STX8: variants seen among roughly 807,000 people sequenced by gnomAD.
The protein encoded by STX8 is syntaxin 8, also known as syntaxin-8.
Under a neutral mutation model 37.5 loss-of-function variants are expected in STX8, and 23 were observed. The ratio of observed to expected loss-of-function variants is 0.61; its 90% confidence interval spans 0.44 to 0.87. The LOEUF (loss-of-function observed/expected upper bound fraction) is 0.87, where lower values mean the gene tolerates loss of function less well. Among genes scored for constraint, STX8 ranks in the 40% least tolerant of loss-of-function variants. STX8 has a pLI of 0.00. For synonymous variants in STX8, 115 were observed against 99.1 expected, an observed-to-expected ratio of 1.16 and a Z score of -0.95; for missense variants, 313 against 284.7, an observed-to-expected ratio of 1.10 and a Z score of -0.71.
At position 9,538,182 on chromosome 17, in the gene STX8, C is replaced by T. The variant is rs891566527; in HGVS notation, c.323+6990G>A. On this transcript the variant is annotated intron_variant, in intron 4 of 7. Transcript: ENST00000306357. ...CACTCACGTAGAGGACAAAGCAAAT[C>T]TGTACTGATTTCAGCACACCCTTGC... 2.8e-4 allele frequency among the ~76,000 whole-genome samples: 43 copies of T among 152,316 alleles called. 1 individual carries two copies. The highest frequency in any genetic ancestry group is 1.0e-3 in the African/African-American group (43 of 41,564).
chr17:9,286,100 G>A (rs1298589084), intron 7 of STX8, among the ~76,000 whole-genome samples: 2 of 151,852 alleles, frequency 1.3e-5, no homozygotes, highest in South Asian at 2.1e-4. Flanking sequence ...ATGCTTCCCC[G>A]TGAAGTCAGT....
intron 6 of STX8, among the ~76,000 whole-genome samples, chr17:9,473,035 G>A (rs547233501): frequency 4.4e-5 from 6 of 136,070 alleles, no homozygotes; most frequent in African/African-American, 1.2e-4. Flanking sequence ...TGTGTCTCAG[G>A]ATCTTTTTTT....
At chr17:9,574,135 G>T (rs1418152979) in intron 1 of STX8, among the ~76,000 whole-genome samples, 1 of 151,840 alleles carries the variant, frequency 6.6e-6, no homozygotes, top group Admixed American at 6.6e-5. Flanking sequence ...GCTGGGCGTG[G>T]CTGCGTGCGC....
At chr17:9,267,930 G>A (rs2142135076) in intron 7 of STX8, among the ~76,000 whole-genome samples, 1 of 150,878 alleles carries the variant, frequency 6.6e-6, no homozygotes, top group Middle Eastern at 3.4e-3. Flanking sequence ...GGCGGAGGTT[G>A]CAGTGAGCTG....
intron 6 of STX8, among the ~76,000 whole-genome samples, chr17:9,430,795 G>A (rs993906009): frequency 2.0e-5 from 3 of 151,910 alleles, no homozygotes; most frequent in Non-Finnish European, 4.4e-5. Context: ...GACTACAGGC[G>A]ACCGCCACCA....
chr17:9,508,217 T>C (rs1321039783), intron 4 of STX8, among the ~76,000 whole-genome samples: 2 of 152,142 alleles, frequency 1.3e-5, no homozygotes, highest in African/African-American at 4.8e-5. Context: ...AACAAGAAGA[T>C]AAATACCATA....
intron 7 of STX8, among the ~76,000 whole-genome samples, chr17:9,258,172 A>G (rs1906873986): frequency 6.6e-6 from 1 of 152,188 alleles, no homozygotes; most frequent in South Asian, 2.1e-4. Flanking sequence ...TCAATAGGTG[A>G]CATTTGCTTA....
At chr17:9,345,938 G>A (rs988526730) in intron 7 of STX8, among the ~76,000 whole-genome samples, 3 of 129,016 alleles carry the variant, frequency 2.3e-5, no homozygotes, top group Non-Finnish European at 3.1e-5. Context: ...TGCTACCTCC[G>A]CGTCCTGGGT....
At position 9,436,222 on chromosome 17, in the gene STX8, G is replaced by A. The variant is rs1310007419; in HGVS notation, c.541+55607C>T. 2.0e-5 allele frequency among the ~76,000 whole-genome samples: 3 copies of A among 151,838 alleles called. No individual in the cohort carries two copies. In the South Asian group the frequency reaches 6.3e-4, roughly 32 times the overall value. On this transcript the variant is annotated intron_variant, in intron 6 of 7. Transcript: ENST00000306357. ...TAGCTGGGAGTGGTGACGGGCGCCT[G>A]TAGTCCCAGCTACTTGGGGGGCTGA...
intron 6 of STX8, among the ~76,000 whole-genome samples, chr17:9,477,106 C>T (rs922089137): frequency 2.0e-5 from 3 of 152,132 alleles, no homozygotes; most frequent in Non-Finnish European, 4.4e-5. Context: ...AATCCACCTA[C>T]CTCGACTTCT....
chr17:9,361,053 C>A (rs1438215280), intron 7 of STX8, among the ~76,000 whole-genome samples: 1 of 152,118 alleles, frequency 6.6e-6, no homozygotes, highest in African/African-American at 2.4e-5. Flanking sequence ...AACCCCAAAT[C>A]AATTATTCTA....
chr17:9,371,385 T>C (rs780072315), intron 7 of STX8, among the ~76,000 whole-genome samples: 1 of 152,218 alleles, frequency 6.6e-6, no homozygotes, highest in Non-Finnish European at 1.5e-5. Context: ...ACTGGGCTGC[T>C]TAATTCCCAC....
At chr17:9,475,743 T>A (rs954686975) in intron 6 of STX8, among the ~76,000 whole-genome samples, 1 of 152,238 alleles carries the variant, frequency 6.6e-6, no homozygotes, top group South Asian at 2.1e-4. Context: ...TTATAGCAAA[T>A]GGTCCTGAAT....
intron 6 of STX8, among the ~76,000 whole-genome samples, chr17:9,402,869 C>G (rs8068911): frequency 0.58 from 88,716 of 152,026 alleles, 26,618 homozygotes; most frequent in East Asian, 0.78. Flanking sequence ...CTGCTAATGC[C>G]AGGCTGTATC....
intron 4 of STX8, among the ~76,000 whole-genome samples, chr17:9,515,014 T>C (rs970525397): frequency 3.3e-5 from 5 of 152,282 alleles, no homozygotes; most frequent in East Asian, 1.9e-4. Flanking sequence ...AGTTATTATA[T>C]AGTCGGCATT....
intron 6 of STX8, among the ~76,000 whole-genome samples, chr17:9,439,140 C>G (rs537067773): frequency 3.9e-5 from 6 of 152,046 alleles, no homozygotes; most frequent in Admixed American, 1.3e-4. Context: ...CGGGATAAAC[C>G]ATAGCTTGCT....
At chr17:9,419,655 C>T (rs1428237135) in intron 6 of STX8, among the ~76,000 whole-genome samples, 1 of 152,170 alleles carries the variant, frequency 6.6e-6, no homozygotes, top group African/African-American at 2.4e-5. Context: ...CAGAGTTGGT[C>T]ACTGGGTCCA....
chr17:9,297,462 C>G (rs1346782772), intron 7 of STX8, among the ~76,000 whole-genome samples: 1 of 152,124 alleles, frequency 6.6e-6, no homozygotes, highest in East Asian at 1.9e-4. Context: ...GAGATGCTTC[C>G]TTGGTTGGTA....
intron 6 of STX8, among the ~76,000 whole-genome samples, chr17:9,400,031 T>C (rs1251967345): frequency 2.6e-5 from 4 of 152,108 alleles, no homozygotes; most frequent in South Asian, 2.1e-4. Flanking sequence ...CTGTATGTTA[T>C]ATATACATTT....
Sources: gnomAD v4.1 joint callset for allele counts (sites outside exome capture counted in the v4.1 genomes callset) on GRCh38, gnomAD v4.1.1 for gene constraint, MANE v1.5 for transcripts, NCBI Gene and HGNC (gene_info 2026-07-23, HGNC 2026-07-21) for gene names.